ZNF451: variants seen among roughly 807,000 people sequenced by gnomAD.
ZNF451 encodes zinc finger protein 451, also known as E3 SUMO-protein ligase ZNF451.
In ZNF451, 80 loss-of-function variants were observed where a neutral mutation model predicts 107.1. The ratio of observed to expected loss-of-function variants is 0.75; its 90% CI spans 0.62 to 0.90. The LOEUF is 0.90. ZNF451 is among the 40% of genes least tolerant of loss of function. ZNF451 has a pLI of 0.00. For missense variants in ZNF451, 1,107 were observed against 1,236.2 expected, an observed-to-expected ratio of 0.90 and a Z score of 1.57; for synonymous variants, 362 against 406.5, an observed-to-expected ratio of 0.89 and a Z score of 1.32.
intron 9 of ZNF451, among the ~76,000 whole-genome samples, chr6:57,144,774 CA>C (rs1376443082): frequency 6.6e-6 from 1 of 151,858 alleles, no homozygotes; most frequent in Admixed American, 6.6e-5. Context: ...ACTAAAAATA[CA>C]AAAAATTAAC....
rs1829008696 is a variant in ZNF451 at position 57,090,422 on chromosome 6, G to T, written c.21+148G>T. Reference sequence around the variant, plus strand: ...GCCGAGCCCAGCTCTGGGGCCTGGTGCGTGTCTGAGCGAGGAACCCGCAGC... The same window carrying T: ...GCCGAGCCCAGCTCTGGGGCCTGGTTCGTGTCTGAGCGAGGAACCCGCAGC... On this transcript the variant is annotated intron_variant, in intron 1 of 14. Coordinates refer to ENST00000370706, the MANE Select transcript of ZNF451 (RefSeq NM_001031623.3). 13 of 1,284,308 alleles carry T rather than the reference G, an allele frequency of 1.0e-5. No individual in the cohort carries two copies. In the South Asian group the frequency reaches 1.8e-4, roughly 18 times the overall value. The allele number at this position is 1,284,308 out of a possible 1,614,324, so 79.6% of individuals were successfully genotyped here.
intron 13 of ZNF451, 76 bp downstream of exon 13, chr6:57,154,123 G>T (rs776187401): frequency 7.1e-7 from 1 of 1,410,274 alleles, no homozygotes; most frequent in East Asian, 2.3e-5. Flanking sequence ...ATAAACTGCT[G>T]TCCGCTAGTG....
At chr6:57,121,299 T>C (rs1830625839) in intron 3 of ZNF451, among the ~76,000 whole-genome samples, 1 of 152,220 alleles carries the variant, frequency 6.6e-6, no homozygotes, top group Non-Finnish European at 1.5e-5. Flanking sequence ...TAGTAAGTTT[T>C]GAAGTCAGTT....
intron 7 of ZNF451, among the ~76,000 whole-genome samples, chr6:57,136,593 G>A (rs952889266): frequency 6.6e-6 from 1 of 152,106 alleles, no homozygotes; most frequent in Non-Finnish European, 1.5e-5. Context: ...AGGGAAAAAG[G>A]GTGAAAGAGA....
Position 57,125,169 on chromosome 6 carries a change from G to T in ZNF451, c.312+310G>T, listed in dbSNP as rs566684751. 2.0e-5 allele frequency among the ~76,000 whole-genome samples: 3 copies of T among 152,236 alleles called. No individual in the cohort carries two copies. The South Asian group carries it at 6.2e-4, about 32-fold the overall frequency. On this transcript the variant is annotated intron_variant, in intron 4 of 14. Transcript: ENST00000370706. ...TTTCTGGTTATTTTATCATACGAGT[G>T]AAAAGAGTTTATCAGGGCTTTTATA...
intron 14 of ZNF451, among the ~76,000 whole-genome samples, chr6:57,164,189 G>A (rs758987857): frequency 1.3e-5 from 2 of 152,134 alleles, no homozygotes; most frequent in East Asian, 1.9e-4. Flanking sequence ...AACAGATGCC[G>A]CATAATGTGG....
chr6:57,116,904 A>T (rs1291970694), intron 3 of ZNF451: 1 of 151,920 alleles, frequency 6.6e-6, no homozygotes, highest in Non-Finnish European at 1.5e-5. Context: ...GTTTGAGTCC[A>T]GCCAGAGGAC....
chr6:57,107,083 C>A, intron 3 of ZNF451: 3 of 984,850 alleles, frequency 3.0e-6, no homozygotes, highest in Non-Finnish European at 3.6e-6. Flanking sequence ...GTGTTTGGTA[C>A]CATTGAGATA....
At chr6:57,125,065 AAAT>A (rs1171146418) in intron 4 of ZNF451, among the ~76,000 whole-genome samples, 1 of 152,156 alleles carries the variant, frequency 6.6e-6, no homozygotes, top group Non-Finnish European at 1.5e-5. Flanking sequence ...GGAAAAGAAA[AAAT>A]AAAATTAACT....
intron 12 of ZNF451, among the ~76,000 whole-genome samples, chr6:57,152,695 A>G (rs563573970): frequency 1.3e-5 from 2 of 152,002 alleles, no homozygotes; most frequent in Non-Finnish European, 2.9e-5. Context: ...CTGGGCTGAA[A>G]TGGTTCTTGT....
At chr6:57,146,530 C>T (rs1384872694) in intron 9 of ZNF451, among the ~76,000 whole-genome samples, 1 of 152,102 alleles carries the variant, frequency 6.6e-6, no homozygotes, top group Admixed American at 6.5e-5. Flanking sequence ...GGTGTCCTTT[C>T]CCCAGTGTCT....
In ZNF451 at chr6:57,105,993, A is replaced by G. The variant is rs1015431559; in HGVS notation, c.186+6852A>G. On this transcript the variant is annotated intron_variant, in intron 3 of 14. Coordinates refer to ENST00000370706, the MANE Select transcript of ZNF451 (RefSeq NM_001031623.3). ...TTTTGAAGGGAGCATAAACTCTTTC[A>G]GGCTACTTGGACAGTATTTAGTATT... 5.1e-6 allele frequency: 5 copies of G among 982,534 alleles called. No individual in the cohort carries two copies. In the African/African-American group the frequency reaches 7.0e-5, roughly 14 times the overall value. 60.9% of individuals were successfully genotyped at this position (982,534 alleles called of 1,614,324 possible).
At chr6:57,141,547 C>A in intron 8 of ZNF451, 92 bp downstream of exon 8, 1 of 1,147,858 alleles carries the variant, frequency 8.7e-7, no homozygotes, top group Non-Finnish European at 1.2e-6. Flanking sequence ...ATTACATATC[C>A]TCATCTTAGT....
chr6:57,106,343 CT>C (rs1331526436), intron 3 of ZNF451: 1 of 949,676 alleles, frequency 1.1e-6, no homozygotes, highest in African/African-American at 2.0e-5. Context: ...CAGTTTCGCT[CT>C]TGTTGCCCAG....
rs565365305 is a variant in ZNF451 at position 57,161,786 on chromosome 6, C to T, written c.3139+634C>T. Reference sequence around the variant, plus strand: ...CTCAGCTCACTGCAACCTCTGCCTCCTGGGTTCAAGTGATTCTTGTGCCCC... The same window carrying T: ...CTCAGCTCACTGCAACCTCTGCCTCTTGGGTTCAAGTGATTCTTGTGCCCC... On this transcript the variant is annotated intron_variant, in intron 14 of 14. Transcript: ENST00000370706. Among the ~76,000 whole-genome samples the T allele has an allele frequency of 5.9e-5, 9 of 152,322 alleles. No individual in the cohort carries two copies. The South Asian group carries it at 1.7e-3, about 28-fold the overall frequency.
chr6:57,160,068 T>C (rs1459047161), intron 13 of ZNF451, among the ~76,000 whole-genome samples: 1 of 152,194 alleles, frequency 6.6e-6, no homozygotes, highest in East Asian at 1.9e-4. Context: ...ATGTTTCAAA[T>C]TTTTTAAAGG....
rs986687488 is a variant in ZNF451 at position 57,130,135 on chromosome 6, A to T, written c.424+1295A>T. 1.3e-5 allele frequency among the ~76,000 whole-genome samples: 2 copies of T among 152,200 alleles called. 1 individual carries two copies. Among genetic ancestry groups the T allele is most frequent in the Non-Finnish European group, 2.9e-5 (2 of 68,028 alleles). On this transcript the variant is annotated intron_variant, in intron 5 of 14. Transcript: ENST00000370706. ...CCTTAAAAGAATGCTCAACATAGAG[A>T]TACTCAATAAATGTTGGTTGAATTT...
intron 3 of ZNF451, chr6:57,106,865 A>G (rs1398213069): frequency 1.0e-6 from 1 of 971,244 alleles, no homozygotes; most frequent in African/African-American, 1.8e-5. Flanking sequence ...GTTATCAGTA[A>G]ACTGGTGATT....
intron 3 of ZNF451, chr6:57,100,968 T>C (rs2127939189): frequency 1.3e-6 from 2 of 1,551,046 alleles, no homozygotes; most frequent in East Asian, 2.4e-5. Flanking sequence ...CCATCCTCTA[T>C]CTCCAGACAC....
Sources: gnomAD v4.1 joint callset for allele counts (sites outside exome capture counted in the v4.1 genomes callset) on GRCh38, gnomAD v4.1.1 for gene constraint, MANE v1.5 for transcripts, NCBI Gene and HGNC (gene_info 2026-07-23, HGNC 2026-07-21) for gene names.